ASCC3: variants seen among roughly 807,000 people sequenced by gnomAD.
ASCC3 encodes activating signal cointegrator 1 complex subunit 3.
Under a neutral mutation model 256.3 loss-of-function variants are expected in ASCC3, and 158 were observed. That is an observed-to-expected ratio of 0.62 (90% CI 0.54 to 0.70). The LOEUF (loss-of-function observed/expected upper bound fraction) is 0.70, where lower values mean the gene tolerates loss of function less well. Among genes scored for constraint, ASCC3 ranks in the 30% least tolerant of loss-of-function variants. The pLI is 0.00. For synonymous variants in ASCC3, 948 were observed against 883.4 expected (o/e 1.07, Z -1.30); for missense variants, 2,259 against 2,626.0 (o/e 0.86, Z 3.05).
At chr6:100,713,750 T>C (rs1433276770) in intron 13 of ASCC3, among the ~76,000 whole-genome samples, 1 of 152,110 alleles carries the variant, frequency 6.6e-6, no homozygotes, top group Admixed American at 6.6e-5. Flanking sequence ...TGAGAAAACA[T>C]TTAAATATTT....
chr6:100,658,108 G>C lies in ASCC3; in HGVS notation c.2704-2290C>G, dbSNP rs1227106175. Among the ~76,000 whole-genome samples the C allele has an allele frequency of 2.6e-5, 4 of 151,458 alleles. No individual in the cohort carries two copies. In the South Asian group the frequency reaches 6.2e-4, roughly 24 times the overall value. On this transcript the variant is annotated intron_variant, in intron 16 of 41. Coordinates refer to ENST00000369162, the MANE Select transcript of ASCC3 (RefSeq NM_006828.4). The stretch of plus-strand genomic sequence containing the variant: ...AAGTTCCAGAGTCACATGGAGGTGA[G>C]ACATATGTAACTAACTACAATGACA...
At chr6:100,608,069 T>TGTATATATCGATATAC (rs1773007761) in intron 30 of ASCC3, among the ~76,000 whole-genome samples, 1 of 92,200 alleles carries the variant, frequency 1.1e-5, no homozygotes, top group East Asian at 4.0e-4. Context: ...CACATATATA[T>TGTATATATCGATATAC]ACATATATAT....
chr6:100,509,392 T>A lies in ASCC3; in HGVS notation c.6603A>T (p.Leu2201Phe). The A allele has an allele frequency of 1.2e-6, 2 of 1,614,160 alleles. No homozygotes were observed. The part of the protein sequence containing the change: ...KVSDSLTDLA[L>F]K ...ATGGATTGTTCAGGTCAAGTTACTT[T>A]AATGCCAGGTCAGTCAGGGAATCAG... is the stretch of plus-strand genomic sequence containing the variant. The change falls in exon 42 of 42, where the codon TTA becomes TTT. Residue 2201 changes from leucine to phenylalanine, a missense_variant. Leu to Phe is a conservative substitution (Grantham distance 22, BLOSUM62 0). Around this residue, in one of 2 missense-constraint regions of ASCC3, gnomAD observed 1,839 missense variants for 2,206.7 expected, o/e 0.83. Transcript: ENST00000369162.
At chr6:100,631,284 C>G (rs1459603171) in intron 25 of ASCC3, 71 bp from the exon 26 acceptor site, 1 of 1,272,872 alleles carries the variant, frequency 7.9e-7, no homozygotes, top group African/African-American at 1.5e-5. Context: ...AAAGTAAACT[C>G]CAAAAAATTT....
At chr6:100,641,175 TAA>T (rs1562190799) in intron 24 of ASCC3, among the ~76,000 whole-genome samples, 1 of 152,162 alleles carries the variant, frequency 6.6e-6, no homozygotes, top group Non-Finnish European at 1.5e-5. Flanking sequence ...GCTTCTATAT[TAA>T]GTCAAAATAA....
At chr6:100,800,645 G>T in intron 5 of ASCC3, 141 bp from the exon 6 acceptor site, 1 of 680,880 alleles carries the variant, frequency 1.5e-6, no homozygotes, top group Non-Finnish European at 2.5e-6. Context: ...TCAATTATAT[G>T]TTTTAAGGTG....
chr6:100,801,798 C>G (rs1441059140), intron 5 of ASCC3, among the ~76,000 whole-genome samples: 1 of 151,284 alleles, frequency 6.6e-6, no homozygotes, highest in Non-Finnish European at 1.5e-5. Context: ...ATGCAACATT[C>G]TGCCAGTTTT....
chr6:100,509,002 C>T lies in ASCC3; in HGVS notation c.*384G>A, dbSNP rs975145502. ...GTTAGAAATCTGTGACAAGTCCTAA[C>T]ACTTGTCACATCTCAATGTGGTTTT... On this transcript the variant is annotated 3_prime_UTR_variant, in exon 42 of 42. Transcript: ENST00000369162. The T allele has an allele frequency of 3.7e-6, 1 of 273,812 alleles. No homozygotes were observed. The highest frequency in any genetic ancestry group is 7.1e-6 in the Non-Finnish European group (1 of 140,648). The allele number at this position is 273,812 out of a possible 1,614,324, so 17.0% of individuals were successfully genotyped here.
intron 10 of ASCC3, among the ~76,000 whole-genome samples, chr6:100,732,170 A>C (rs1386154980): frequency 6.6e-6 from 1 of 151,248 alleles, no homozygotes; most frequent in African/African-American, 2.4e-5. Context: ...CAAAACAAAA[A>C]AAAAAAAAAA....
intron 16 of ASCC3, among the ~76,000 whole-genome samples, chr6:100,659,037 G>A (rs1484509064): frequency 6.6e-6 from 1 of 151,246 alleles, no homozygotes; most frequent in Non-Finnish European, 1.5e-5. Flanking sequence ...GTCTCATTAT[G>A]CATCGATAAG....
chr6:100,641,236 T>C (rs551898407), intron 24 of ASCC3, among the ~76,000 whole-genome samples: 1 of 152,284 alleles, frequency 6.6e-6, no homozygotes, highest in Admixed American at 6.5e-5. Context: ...TTTTGCAAGG[T>C]ATGACAGTGA....
intron 37 of ASCC3, chr6:100,531,080 T>G (rs1774849311): frequency 7.6e-7 from 1 of 1,310,894 alleles, no homozygotes; most frequent in African/African-American, 1.5e-5. Context: ...AGAACGTACA[T>G]AGTCTGTACA....
chr6:100,682,254 A>C (rs1021658310), intron 13 of ASCC3, among the ~76,000 whole-genome samples: 2 of 152,216 alleles, frequency 1.3e-5, no homozygotes, highest in Non-Finnish European at 2.9e-5. Flanking sequence ...GTTTCTAAAC[A>C]TGCATTAACT....
At chr6:100,636,860 G>T (rs1018292336) in intron 25 of ASCC3, among the ~76,000 whole-genome samples, 3 of 152,188 alleles carry the variant, frequency 2.0e-5, no homozygotes, top group Admixed American at 6.5e-5. Context: ...TTCTGTGAAG[G>T]CTGAGAGTGG....
At chr6:100,791,149 T>A (rs1056073488) in intron 8 of ASCC3, among the ~76,000 whole-genome samples, 4 of 151,910 alleles carry the variant, frequency 2.6e-5, no homozygotes, top group South Asian at 2.1e-4. Flanking sequence ...ATATCATTTT[T>A]AAACATATTA....
chr6:100,514,008 T>C (rs1235926570), intron 39 of ASCC3, among the ~76,000 whole-genome samples: 2 of 152,082 alleles, frequency 1.3e-5, no homozygotes, highest in African/African-American at 2.4e-5. Context: ...ATATATACTA[T>C]AGATTTCCTT....
intron 36 of ASCC3, among the ~76,000 whole-genome samples, chr6:100,543,822 A>G (rs773352236): frequency 6.6e-6 from 1 of 152,162 alleles, no homozygotes; most frequent in Non-Finnish European, 1.5e-5. Flanking sequence ...AATCAGCAAG[A>G]ATATAGAATT....
Position 100,563,347 on chromosome 6 carries a change from T to C in ASCC3, c.5551-22960A>G, listed in dbSNP as rs147591814. On this transcript the variant is annotated intron_variant, in intron 36 of 41. Coordinates refer to ENST00000369162, the MANE Select transcript of ASCC3 (RefSeq NM_006828.4). ...CATTATGCTTGGCTTTAATTCTTAATCTAGCTGAAGTTTATTTTGGCGTAT... is the reference window on the plus strand; with the variant it reads ...CATTATGCTTGGCTTTAATTCTTAACCTAGCTGAAGTTTATTTTGGCGTAT... 3.0e-3 allele frequency among the ~76,000 whole-genome samples: 463 copies of C among 152,334 alleles called. 5 individuals carry two copies. Among genetic ancestry groups the C allele is most frequent in the South Asian group, 0.019 (92 of 4,830 alleles).
At chr6:100,641,280 G>A (rs1055873919) in intron 24 of ASCC3, among the ~76,000 whole-genome samples, 4 of 152,088 alleles carry the variant, frequency 2.6e-5, no homozygotes, top group African/African-American at 7.2e-5. Flanking sequence ...AGATTACCAC[G>A]TACCCCTTTA....
Sources: allele counts gnomAD v4.1 joint callset (sites outside exome capture counted in the v4.1 genomes callset), GRCh38; gene constraint gnomAD v4.1.1; regional missense constraint gnomAD v4.1.1; transcripts MANE v1.5; gene names NCBI Gene and HGNC (gene_info 2026-07-23, HGNC 2026-07-21).